The following CA5B variants were observed in gnomAD, a reference collection of about 807,000 sequenced individuals.
CA5B encodes carbonic anhydrase 5B, also known as carbonic anhydrase 5B, mitochondrial.
In CA5B, 15 loss-of-function variants were observed where a neutral mutation model predicts 23.1. That is an observed-to-expected ratio of 0.65 (90% confidence interval 0.43 to 1.00). CA5B has a LOEUF of 1.00. CA5B is among the 50% of genes least tolerant of loss of function. The probability of loss-of-function intolerance (pLI) is 0.00; values close to 1 mark genes in which losing one functional copy is unlikely to be tolerated. For missense variants in CA5B, 236 were observed against 252.2 expected, an observed-to-expected ratio of 0.94 and a Z score of 0.43; for synonymous variants, 84 against 98.5, an observed-to-expected ratio of 0.85 and a Z score of 0.87.
At chrX:15,740,134 C>T (rs990299968) in intron 1 of CA5B, among the ~76,000 whole-genome samples, 2 of 111,571 alleles carry the variant, frequency 1.8e-5, no homozygotes, top group African/African-American at 6.5e-5. Context: ...AGCTAAGGGG[C>T]AGGTTAGCAA....
intron 3 of CA5B, 136 bp downstream of exon 3, chrX:15,764,911 T>C: frequency 3.8e-6 from 4 of 1,040,097 alleles, no homozygotes; most frequent in Non-Finnish European, 5.1e-6. Context: ...TCTTAACTTT[T>C]TGAATGTGTG....
intron 2 of CA5B, among the ~76,000 whole-genome samples, chrX:15,752,305 C>A (rs939325993): frequency 9.0e-6 from 1 of 111,552 alleles, no homozygotes; most frequent in African/African-American, 3.3e-5. Flanking sequence ...ACTTTCCAAG[C>A]TGACTTTGGC....
intron 3 of CA5B, among the ~76,000 whole-genome samples, chrX:15,771,610 T>A (rs186344389): frequency 0.035 from 3,687 of 104,641 alleles, 177 homozygotes; most frequent in African/African-American, 0.12. Context: ...TTTTTTTTTT[T>A]AATTTTTAGT....
intron 4 of CA5B, 53 bp downstream of exon 4, chrX:15,772,667 C>G: frequency 1.4e-6 from 1 of 696,971 alleles, no homozygotes; most frequent in Non-Finnish European, 2.2e-6. Flanking sequence ...GGGGATAATT[C>G]TGAACTTTTA....
intron 2 of CA5B, 143 bp downstream of exon 2, chrX:15,750,308 A>G (rs1931331302): frequency 4.3e-6 from 2 of 461,814 alleles, no homozygotes; most frequent in Non-Finnish European, 7.3e-6. Context: ...TAATAATCAC[A>G]CATGTTAAAC....
At chrX:15,765,368 G>A in intron 3 of CA5B, 2 of 194,607 alleles carry the variant, frequency 1.0e-5, no homozygotes, top group Non-Finnish European at 1.6e-5. Flanking sequence ...TATTGATTTT[G>A]AATCTTTTTT....
intron 1 of CA5B, among the ~76,000 whole-genome samples, chrX:15,741,542 C>T (rs1003979564): frequency 3.6e-5 from 4 of 109,755 alleles, no homozygotes; most frequent in African/African-American, 1.3e-4. Context: ...TGCAGTGGCA[C>T]GATCTCAGCT....
intron 1 of CA5B, among the ~76,000 whole-genome samples, chrX:15,742,007 T>C (rs1931132312): frequency 9.0e-6 from 1 of 111,492 alleles, no homozygotes; most frequent in Non-Finnish European, 1.9e-5. Flanking sequence ...ATTATTGGAG[T>C]TTCACTTCAA....
rs1931325676 is a variant in CA5B, at chrX:15,750,110, G to A, written c.87G>A (p.Met29Ile). The A allele has an allele frequency of 1.7e-6, 2 of 1,211,603 alleles. No homozygotes were observed. The highest frequency in any genetic ancestry group is 3.5e-5 in the African/African-American group (2 of 57,771). Residue 29 changes from methionine to isoleucine, a missense_variant, in exon 2 of 8, where the codon ATG becomes ATA. Transcript: ENST00000318636. ...GAAAGTTCCAGATTCCGAGATTCAT[G>A]CCAGCGAGGCCCTGCAGCCTCTATA... is the stretch of plus-strand genomic sequence containing the variant. ...LWRKFQIPRF[M>I]PARPCSLYTC...
rs747162988 is a variant in CA5B at position 15,788,123 on chromosome X, C to T, written c.*5459C>T. On this transcript the variant is annotated 3_prime_UTR_variant, in exon 8 of 8. Coordinates refer to ENST00000318636, the MANE Select transcript of CA5B (RefSeq NM_007220.4). Reference sequence around the variant, plus strand: ...GTTTGGGGATACAACTGCCAAACCTCCAACTAGAGAGTTTAGTTTAAGATT... The same window carrying T: ...GTTTGGGGATACAACTGCCAAACCTTCAACTAGAGAGTTTAGTTTAAGATT... 7 of 111,965 alleles carry T rather than the reference C, an allele frequency of 6.3e-5. No homozygotes were observed. The East Asian group carries it at 2.0e-3, about 31-fold the overall frequency. The allele number at this position is 111,965 out of a possible 1,213,427, so 9.2% of individuals were successfully genotyped here.
intron 7 of CA5B, among the ~76,000 whole-genome samples, chrX:15,780,523 C>T (rs12390793): frequency 0.023 from 2,550 of 111,392 alleles, 61 homozygotes; most frequent in African/African-American, 0.078. Flanking sequence ...CCACCCGCCT[C>T]GGCCTCCCAA....
chrX:15,763,229 C>T (rs1931640867), intron 2 of CA5B, among the ~76,000 whole-genome samples: 2 of 112,027 alleles, frequency 1.8e-5, no homozygotes, highest in Non-Finnish European at 3.8e-5. Context: ...TTTTTTTCTA[C>T]CAGCCAACCA....
At chrX:15,764,989 A>T in intron 3 of CA5B, 1 of 468,998 alleles carries the variant, frequency 2.1e-6, no homozygotes, top group Non-Finnish European at 3.5e-6. Flanking sequence ...TTTAATTAAT[A>T]AATATATCTC....
intron 1 of CA5B, among the ~76,000 whole-genome samples, chrX:15,748,708 ACC>A (rs565940460): frequency 0.37 from 21,430 of 58,273 alleles, 3,790 homozygotes; most frequent in Middle Eastern, 0.5. Context: ...TATAGTGAGA[ACC>A]CCCCCCCCCG....
intron 4 of CA5B, among the ~76,000 whole-genome samples, chrX:15,773,870 A>T (rs184634583): frequency 8.9e-6 from 1 of 111,746 alleles, no homozygotes; most frequent in East Asian, 2.8e-4. Context: ...CACATTTTAA[A>T]TGGTTATTCC....
chrX:15,778,611 G>C (rs1931970085), intron 7 of CA5B, among the ~76,000 whole-genome samples: 1 of 111,836 alleles, frequency 8.9e-6, no homozygotes, highest in Non-Finnish European at 1.9e-5. Context: ...ACCTGAAACT[G>C]GGTAATTTAT....
chrX:15,747,449 A>G (rs1931257189), intron 1 of CA5B, among the ~76,000 whole-genome samples: 1 of 109,605 alleles, frequency 9.1e-6, no homozygotes, highest in Non-Finnish European at 1.9e-5. Flanking sequence ...CAAAAATACA[A>G]TGAGGGATAA....
chrX:15,757,344 G>A (rs1254984001), intron 2 of CA5B, among the ~76,000 whole-genome samples: 1 of 111,756 alleles, frequency 8.9e-6, no homozygotes, highest in African/African-American at 3.3e-5. Flanking sequence ...GTGAAATCCC[G>A]TCTCTACTAA....
intron 3 of CA5B, among the ~76,000 whole-genome samples, chrX:15,771,650 C>T (rs1931823625): frequency 9.4e-6 from 1 of 106,153 alleles, no homozygotes; most frequent in African/African-American, 3.4e-5. Flanking sequence ...GTTGGCCAGG[C>T]TGATCTCAAA....
Sources: gnomAD v4.1 joint callset for allele counts (sites outside exome capture counted in the v4.1 genomes callset) on GRCh38, gnomAD v4.1.1 for gene constraint, MANE v1.5 for transcripts, NCBI Gene and HGNC (gene_info 2026-07-23, HGNC 2026-07-21) for gene names.